Variants in GMPR observed in about 807,000 individuals in gnomAD.
The protein encoded by GMPR is GMP reductase 1.
A neutral mutation model predicts 38.4 loss-of-function variants in GMPR; 31 were observed. That is an observed-to-expected ratio of 0.81 (90% confidence interval 0.61 to 1.09). The LOEUF (loss-of-function observed/expected upper bound fraction) is 1.09. Among genes scored for constraint, GMPR ranks in the 50% least tolerant of loss-of-function variants. GMPR has a pLI of 0.00. For missense variants in GMPR, 468 were observed against 453.7 expected (o/e 1.03, Z -0.29); for synonymous variants, 162 against 173.3 (o/e 0.93, Z 0.51).
chr6:16,288,399 G>A (rs1471752824), intron 7 of GMPR, among the ~76,000 whole-genome samples: 1 of 152,230 alleles, frequency 6.6e-6, no homozygotes, highest in East Asian at 1.9e-4. Flanking sequence ...TAGCACCCGG[G>A]CCAGCAGCTG....
intron 4 of GMPR, among the ~76,000 whole-genome samples, chr6:16,256,111 G>T (rs2113676040): frequency 6.6e-6 from 1 of 151,978 alleles, no homozygotes; most frequent in South Asian, 2.1e-4. Context: ...AGCTACTTAG[G>T]AGGCTGAGGC....
intron 6 of GMPR, among the ~76,000 whole-genome samples, chr6:16,283,570 G>A (rs1253800020): frequency 2.6e-5 from 4 of 152,244 alleles, no homozygotes; most frequent in South Asian, 2.1e-4. Context: ...CCCTGTGAGC[G>A]GATGACGCCA....
chr6:16,264,983 G>C (rs774010248), intron 4 of GMPR, among the ~76,000 whole-genome samples: 1 of 152,180 alleles, frequency 6.6e-6, no homozygotes, highest in Non-Finnish European at 1.5e-5. Flanking sequence ...CTATTGAGGG[G>C]CTGGCTGATT....
At chr6:16,272,689 C>T (rs189196736) in intron 4 of GMPR, among the ~76,000 whole-genome samples, 3 of 152,208 alleles carry the variant, frequency 2.0e-5, no homozygotes, top group East Asian at 1.9e-4. Context: ...GAGGTATTAG[C>T]GTTTTTCTTA....
intron 4 of GMPR, among the ~76,000 whole-genome samples, chr6:16,270,665 T>C (rs1759366563): frequency 6.6e-6 from 1 of 152,214 alleles, no homozygotes; most frequent in Non-Finnish European, 1.5e-5. Flanking sequence ...AATTGACAGC[T>C]TTTTGTTCCT....
chr6:16,254,787 G>C (rs758872155), intron 4 of GMPR, 52 bp downstream of exon 4: 4 of 1,343,610 alleles, frequency 3.0e-6, no homozygotes, highest in Non-Finnish European at 4.3e-6. Context: ...GGGAAGCCAC[G>C]AGGGAGTTGT....
intron 4 of GMPR, among the ~76,000 whole-genome samples, chr6:16,261,162 G>A: frequency 6.6e-6 from 1 of 152,026 alleles, no homozygotes; most frequent in East Asian, 1.9e-4. Context: ...TGGCTCTTGT[G>A]TAAGAATTCT....
intron 1 of GMPR, among the ~76,000 whole-genome samples, chr6:16,243,101 A>C (rs1758680989): frequency 6.6e-6 from 1 of 152,168 alleles, no homozygotes; most frequent in Non-Finnish European, 1.5e-5. Flanking sequence ...AACCCATAAC[A>C]GACAGCCTTT....
At chr6:16,271,866 A>G (rs977586985) in intron 4 of GMPR, among the ~76,000 whole-genome samples, 3 of 152,104 alleles carry the variant, frequency 2.0e-5, no homozygotes, top group African/African-American at 7.2e-5. Context: ...AGATCTTTCT[A>G]TTTCTCCCAA....
At chr6:16,271,350 G>A (rs1294624651) in intron 4 of GMPR, among the ~76,000 whole-genome samples, 2 of 152,316 alleles carry the variant, frequency 1.3e-5, no homozygotes, top group East Asian at 3.9e-4. Flanking sequence ...GCTAGGCGTG[G>A]TGGCACATAC....
intron 7 of GMPR, chr6:16,289,640 C>G: frequency 6.6e-6 from 1 of 150,642 alleles, no homozygotes; most frequent in Non-Finnish European, 1.5e-5. Context: ...GAGTTTTAGA[C>G]GACTTCCATA....
intron 8 of GMPR, among the ~76,000 whole-genome samples, chr6:16,294,334 C>A (rs1759894267): frequency 6.6e-6 from 1 of 152,112 alleles, no homozygotes; most frequent in Non-Finnish European, 1.5e-5. Context: ...GTGTACCCAG[C>A]AAAGCAGAAA....
At chr6:16,258,592 G>C (rs1302198099) in intron 4 of GMPR, among the ~76,000 whole-genome samples, 3 of 152,232 alleles carry the variant, frequency 2.0e-5, no homozygotes, top group African/African-American at 7.2e-5. Flanking sequence ...TGGCCCAGGG[G>C]TATGTTTTCA....
intron 7 of GMPR, among the ~76,000 whole-genome samples, chr6:16,286,306 G>A (rs907434954): frequency 3.3e-5 from 5 of 152,110 alleles, no homozygotes; most frequent in African/African-American, 1.2e-4. Context: ...GATGGGGAGC[G>A]GTGGTGGGAG....
At chr6:16,279,707 C>T (rs188922712) in intron 6 of GMPR, among the ~76,000 whole-genome samples, 3 of 152,202 alleles carry the variant, frequency 2.0e-5, no homozygotes, top group African/African-American at 4.8e-5. Context: ...GCATCTGGGG[C>T]GAGTGACCTG....
intron 4 of GMPR, among the ~76,000 whole-genome samples, chr6:16,261,279 A>G (rs566357902): frequency 6.6e-6 from 1 of 152,114 alleles, no homozygotes; most frequent in South Asian, 2.1e-4. Context: ...GTGTGTTTTT[A>G]TAAGAATTAT....
chr6:16,242,937 A>G (rs1340020457), intron 1 of GMPR, among the ~76,000 whole-genome samples: 1 of 152,080 alleles, frequency 6.6e-6, no homozygotes, highest in Non-Finnish European at 1.5e-5. Context: ...TATCCTTTTT[A>G]TAAGAACATC....
chr6:16,257,458 A>G (rs1396482666), intron 4 of GMPR, among the ~76,000 whole-genome samples: 1 of 152,088 alleles, frequency 6.6e-6, no homozygotes, highest in African/African-American at 2.4e-5. Context: ...TGTCAGCTGT[A>G]TATATATATT....
At chr6:16,278,604 G>A (rs1340293856) in intron 5 of GMPR, among the ~76,000 whole-genome samples, 180 bp from the exon 6 acceptor site, 1 of 152,134 alleles carries the variant, frequency 6.6e-6, no homozygotes, top group Non-Finnish European at 1.5e-5. Context: ...ATGACCAGGT[G>A]GTGTGGTTTA....
Sources: allele counts gnomAD v4.1 joint callset (sites outside exome capture counted in the v4.1 genomes callset), GRCh38; gene constraint gnomAD v4.1.1; transcripts MANE v1.5; gene names NCBI Gene and HGNC (gene_info 2026-07-23, HGNC 2026-07-21).